MATCAP2: variants seen among roughly 807,000 people sequenced by gnomAD.
The protein encoded by MATCAP2 is putative tyrosine carboxypeptidase MATCAP2.
the MATCAP2 span, among the ~76,000 whole-genome samples, chr7:36,384,994 A>G: frequency 6.6e-6 from 1 of 152,254 alleles, no homozygotes; most frequent in East Asian, 1.9e-4. Context: ...TTTAATTACA[A>G]CGAAAGACAT....
the MATCAP2 span, among the ~76,000 whole-genome samples, chr7:36,369,724 G>A: frequency 2.0e-5 from 3 of 152,054 alleles, no homozygotes; most frequent in African/African-American, 7.2e-5. Flanking sequence ...TATCCTCAAG[G>A]ACAGTCCTGA....
chr7:36,333,827 C>A, the MATCAP2 span: 1 of 1,531,732 alleles, frequency 6.5e-7, no homozygotes, highest in South Asian at 1.3e-5. Context: ...GTCAGTAAGT[C>A]AGAAAACCTA....
At chr7:36,372,077 G>A in the MATCAP2 span, among the ~76,000 whole-genome samples, 7 of 147,704 alleles carry the variant, frequency 4.7e-5, 1 homozygote, top group Admixed American at 4.0e-4. Flanking sequence ...GCTTGCAACT[G>A]AAAAAAAAAA....
chr7:36,379,255 A>G, the MATCAP2 span, among the ~76,000 whole-genome samples: 1 of 152,158 alleles, frequency 6.6e-6, no homozygotes, highest in Non-Finnish European at 1.5e-5. Flanking sequence ...ACCTGGATGG[A>G]ATTTTTAAGT....
At chr7:36,370,093 G>A in the MATCAP2 span, among the ~76,000 whole-genome samples, 1 of 152,184 alleles carries the variant, frequency 6.6e-6, no homozygotes, top group Non-Finnish European at 1.5e-5. Flanking sequence ...TGAATACAAA[G>A]AGTTTATCTA....
At chr7:36,374,263 A>G in the MATCAP2 span, among the ~76,000 whole-genome samples, 6 of 143,572 alleles carry the variant, frequency 4.2e-5, no homozygotes, top group Non-Finnish European at 7.6e-5. Context: ...TTTTTTTTGT[A>G]GAGACAAGGT....
the MATCAP2 span, chr7:36,331,078 C>T: frequency 6.3e-7 from 1 of 1,595,944 alleles, no homozygotes; most frequent in Non-Finnish European, 8.6e-7. Context: ...TACTAAAACA[C>T]CCTGGAGGAA....
chr7:36,330,210 C>T, the MATCAP2 span, among the ~76,000 whole-genome samples: 1 of 151,894 alleles, frequency 6.6e-6, no homozygotes, highest in South Asian at 2.1e-4. Flanking sequence ...CTCAGCTTCC[C>T]GAGTAGCTGG....
the MATCAP2 span, among the ~76,000 whole-genome samples, chr7:36,359,563 T>C: frequency 6.6e-6 from 1 of 152,218 alleles, no homozygotes; most frequent in African/African-American, 2.4e-5. Flanking sequence ...TTTCTAAAGC[T>C]TGCAGGGGCT....
the MATCAP2 span, among the ~76,000 whole-genome samples, chr7:36,380,516 A>G: frequency 6.6e-6 from 1 of 152,318 alleles, no homozygotes; most frequent in East Asian, 1.9e-4. Flanking sequence ...GTGCAGCAAG[A>G]AGGACAAGAG....
chr7:36,381,876 A>AT, the MATCAP2 span, among the ~76,000 whole-genome samples: 3 of 152,144 alleles, frequency 2.0e-5, no homozygotes, highest in Non-Finnish European at 4.4e-5. Context: ...GAAAGAATAA[A>AT]TGAACCCTGG....
the MATCAP2 span, chr7:36,383,750 C>T: frequency 7.8e-6 from 5 of 637,034 alleles, no homozygotes; most frequent in African/African-American, 3.9e-5. Context: ...CACCATGGCA[C>T]GTGTATGCCT....
the MATCAP2 span, among the ~76,000 whole-genome samples, chr7:36,380,474 G>A: frequency 1.3e-5 from 2 of 152,162 alleles, no homozygotes; most frequent in East Asian, 3.9e-4. Flanking sequence ...AGCAAGCCAG[G>A]AAAACAGAAC....
the MATCAP2 span, among the ~76,000 whole-genome samples, chr7:36,379,545 G>A: frequency 2.0e-5 from 3 of 152,098 alleles, no homozygotes; most frequent in African/African-American, 4.8e-5. Context: ...AGAGTAGCTT[G>A]TAGACATGAT....
At chr7:36,359,142 G>C in the MATCAP2 span, among the ~76,000 whole-genome samples, 60 of 152,292 alleles carry the variant, frequency 3.9e-4, no homozygotes, top group Middle Eastern at 6.8e-3. Context: ...CTGCAGACCT[G>C]AAAATATAAC....
At chr7:36,324,169 A>T in the MATCAP2 span, 2 of 152,212 alleles carry the variant, frequency 1.3e-5, no homozygotes, top group Admixed American at 6.5e-5. Context: ...ATACAAATAT[A>T]ATTGGGTTTT....
chr7:36,351,939 GT>G, the MATCAP2 span, among the ~76,000 whole-genome samples: 1 of 29,440 alleles, frequency 3.4e-5, no homozygotes, highest in Non-Finnish European at 7.4e-5. Flanking sequence ...AAGGGAGATT[GT>G]TAAAAAAAAA....
the MATCAP2 span, chr7:36,390,021 G>A: frequency 6.2e-7 from 1 of 1,614,084 alleles, no homozygotes; most frequent in Non-Finnish European, 8.5e-7. Flanking sequence ...TCCGACGCCT[G>A]GGGCGATGGA....
At chr7:36,373,115 A>T in the MATCAP2 span, among the ~76,000 whole-genome samples, 1 of 152,178 alleles carries the variant, frequency 6.6e-6, no homozygotes, top group East Asian at 1.9e-4. Flanking sequence ...AAAAAAAAAA[A>T]AAAAAAAAGA....
Sources: gnomAD v4.1 joint callset for allele counts (sites outside exome capture counted in the v4.1 genomes callset) on GRCh38, gnomAD v4.1.1 for gene constraint, MANE v1.5 for transcripts, NCBI Gene and HGNC (gene_info 2026-07-23, HGNC 2026-07-21) for gene names.